ADCY8: variants seen among roughly 807,000 people sequenced by gnomAD.
ADCY8 encodes the protein adenylate cyclase 8.
In ADCY8, 51 loss-of-function variants were observed where a neutral mutation model predicts 119.7. The observed-to-expected ratio is 0.43, with a 90% CI of 0.34 to 0.54. The LOEUF (loss-of-function observed/expected upper bound fraction) is 0.54, where lower values mean the gene tolerates loss of function less well. Among genes scored for constraint, ADCY8 ranks in the 20% least tolerant of loss-of-function variants. The pLI is 0.03. For missense variants in ADCY8, 1,383 were observed against 1,598.8 expected, an observed-to-expected ratio of 0.87 and a Z score of 2.30; for synonymous variants, 665 against 651.0, an observed-to-expected ratio of 1.02 and a Z score of -0.33.
intron 1 of ADCY8, among the ~76,000 whole-genome samples, chr8:130,992,386 T>C (rs1291691238): frequency 6.7e-5 from 1 of 14,980 alleles, no homozygotes; most frequent in African/African-American, 3.0e-4. Context: ...ATCTGGCATA[T>C]ATATATATAT....
chr8:131,039,457 T>A lies in ADCY8; in HGVS notation c.877A>T (p.Ile293Phe), dbSNP rs965094308. The A allele has an allele frequency of 3.1e-6, 5 of 1,614,026 alleles. No individual in the cohort carries two copies. Among genetic ancestry groups the A allele is most frequent in the African/African-American group, 1.3e-5 (1 of 74,936 alleles). Reference protein sequence around the residue: ...SMLPLPLTWAILAGLGTSLLQ... With the variant: ...SMLPLPLTWAFLAGLGTSLLQ... Reference sequence around the variant, plus strand: ...AGCGAGGTGCCCAGGCCGGCCAGGATGGCCCAGGTGAGCGGCAGCGGCAGC... The same window carrying A: ...AGCGAGGTGCCCAGGCCGGCCAGGAAGGCCCAGGTGAGCGGCAGCGGCAGC... The change falls in exon 1 of 18, where the codon ATC (isoleucine) becomes TTC (phenylalanine). Residue 293 changes from isoleucine to phenylalanine, a missense_variant. Physicochemically the swap from Ile to Phe is conservative, Grantham distance 21. This residue lies in a region of ADCY8 where 455 missense variants were observed against 435.3 expected (regional missense o/e 1.05). Coordinates refer to ENST00000286355, the MANE Select transcript of ADCY8 (RefSeq NM_001115.3).
chr8:130,918,361 T>A (rs540559841), intron 5 of ADCY8, among the ~76,000 whole-genome samples: 7 of 152,280 alleles, frequency 4.6e-5, no homozygotes, highest in African/African-American at 1.7e-4. Context: ...ATAAGGGCAC[T>A]AAGCCTCATT....
At chr8:131,017,347 G>T (rs1227582729) in intron 1 of ADCY8, among the ~76,000 whole-genome samples, 1 of 152,170 alleles carries the variant, frequency 6.6e-6, no homozygotes, top group Admixed American at 6.5e-5. Flanking sequence ...TGGGATGACA[G>T]GCATGAGCCA....
intron 1 of ADCY8, among the ~76,000 whole-genome samples, chr8:131,011,854 C>T (rs936965243): frequency 5.9e-5 from 9 of 152,124 alleles, no homozygotes; most frequent in African/African-American, 2.2e-4. Flanking sequence ...GAGGGTGCAG[C>T]TGAAGAGCCA....
At chr8:131,023,464 T>A (rs148073096) in intron 1 of ADCY8, among the ~76,000 whole-genome samples, 2 of 152,298 alleles carry the variant, frequency 1.3e-5, no homozygotes, top group Non-Finnish European at 2.9e-5. Context: ...GAGCAGAAGA[T>A]GGCAGTGCTG....
rs10532518 is a variant in ADCY8, at chr8:130,908,984, G to GCT, written c.1640+722_1640+723dup. Among the ~76,000 whole-genome samples the GCT allele has an allele frequency of 6.9e-3, 903 of 131,560 alleles. 5 individuals are homozygous for GCT. The highest frequency in any genetic ancestry group is 0.013 in the East Asian group (61 of 4,694). 86.3% of individuals were successfully genotyped at this position (131,560 alleles called of 152,430 possible). On this transcript the variant is annotated intron_variant, in intron 6 of 17. Coordinates refer to ENST00000286355, the MANE Select transcript of ADCY8 (RefSeq NM_001115.3). ...GGTAGGAAAAGGAATATGTGGAAGT[G>GCT]CTCTCTCTCTCTCTCTCTCTCTCTC...
At chr8:130,897,127 A>G (rs1185425099) in intron 7 of ADCY8, among the ~76,000 whole-genome samples, 2 of 152,016 alleles carry the variant, frequency 1.3e-5, no homozygotes, top group Non-Finnish European at 2.9e-5. Flanking sequence ...GCAAATTTCA[A>G]TTCCTGCAGA....
At chr8:130,996,622 G>A (rs1822784819) in intron 1 of ADCY8, among the ~76,000 whole-genome samples, 1 of 151,836 alleles carries the variant, frequency 6.6e-6, no homozygotes, top group African/African-American at 2.4e-5. Context: ...AAAGATAATT[G>A]GTCAACTACA....
chr8:130,867,969 TGAGTTACTTTGCA>T (rs1818187394), intron 8 of ADCY8, 23 bp from the exon 9 acceptor site: 1 of 1,534,230 alleles, frequency 6.5e-7, no homozygotes, highest in Admixed American at 1.7e-5. Flanking sequence ...AAAGAGAGAA[TGAGTTACTTTGCA>T]GCAGAGTGCA....
At chr8:130,914,462 A>AT (rs142414708) in intron 5 of ADCY8, among the ~76,000 whole-genome samples, 6,687 of 152,226 alleles carry the variant, frequency 0.044, 452 homozygotes, top group African/African-American at 0.15. Flanking sequence ...AAGACTTCAC[A>AT]TTTTTTTACT....
chr8:130,916,563 C>A (rs963581589), intron 5 of ADCY8, among the ~76,000 whole-genome samples: 1 of 152,222 alleles, frequency 6.6e-6, no homozygotes, highest in African/African-American at 2.4e-5. Flanking sequence ...TAAATAAAAT[C>A]TCTGCAGCAA....
intron 12 of ADCY8, among the ~76,000 whole-genome samples, chr8:130,822,136 T>A (rs1193868865): frequency 2.0e-5 from 3 of 152,124 alleles, no homozygotes; most frequent in Admixed American, 2.0e-4. Flanking sequence ...ACAGATAATT[T>A]TATAATATGA....
chr8:130,848,683 C>T (rs967765515), intron 10 of ADCY8, among the ~76,000 whole-genome samples: 9 of 152,166 alleles, frequency 5.9e-5, no homozygotes, highest in Non-Finnish European at 1.3e-4. Context: ...CATGACAATG[C>T]CTCAACTAGC....
At chr8:130,836,553 T>C in intron 11 of ADCY8, 104 bp from the exon 12 acceptor site, 1 of 1,273,474 alleles carries the variant, frequency 7.9e-7, no homozygotes, top group Non-Finnish European at 1.1e-6. Context: ...AGAGTTTCCA[T>C]TTGGAGGTCT....
At chr8:131,016,247 G>C (rs1296979311) in intron 1 of ADCY8, among the ~76,000 whole-genome samples, 3 of 152,122 alleles carry the variant, frequency 2.0e-5, no homozygotes, top group Non-Finnish European at 4.4e-5. Context: ...TAAGAGGCTG[G>C]GCATGGTGGC....
At chr8:130,896,280 C>G (rs1819384885) in intron 7 of ADCY8, among the ~76,000 whole-genome samples, 1 of 152,154 alleles carries the variant, frequency 6.6e-6, no homozygotes. Flanking sequence ...GATCCTAGAA[C>G]TTTACTGGCA....
intron 1 of ADCY8, among the ~76,000 whole-genome samples, chr8:131,001,273 G>GTGTC (rs1822937651): frequency 6.6e-6 from 1 of 152,126 alleles, no homozygotes; most frequent in South Asian, 2.1e-4. Flanking sequence ...GCTCTCAGGG[G>GTGTC]TGTCTGGAAT....
rs1337005155 is a variant in ADCY8 at position 130,838,719 on chromosome 8, T to C, written c.2503-2270A>G. Among the ~76,000 whole-genome samples, 14 of 141,574 alleles carry C rather than the reference T, an allele frequency of 9.9e-5. 4 individuals carry two copies. In the Admixed American group the frequency reaches 1.0e-3, roughly 10 times the overall value. The allele number at this position is 141,574 out of a possible 152,430, so 92.9% of individuals were successfully genotyped here. ...GTTAATTTATAAAATGTAATAAGCA[T>C]TTATTGAGTGCCTATTACAATCAAG... On this transcript the variant is annotated intron_variant, in intron 11 of 17. Transcript: ENST00000286355.
intron 15 of ADCY8, among the ~76,000 whole-genome samples, chr8:130,799,128 G>C (rs1342268772): frequency 6.6e-6 from 1 of 152,104 alleles, no homozygotes; most frequent in Non-Finnish European, 1.5e-5. Flanking sequence ...TTCAGAACCT[G>C]GGGGGTGGGG....
Sources: gnomAD v4.1 joint callset for allele counts (sites outside exome capture counted in the v4.1 genomes callset) on GRCh38, gnomAD v4.1.1 for gene constraint, gnomAD v4.1.1 regional missense constraint, MANE v1.5 for transcripts, NCBI Gene and HGNC (gene_info 2026-07-23, HGNC 2026-07-21) for gene names.